Variants in PLEKHH2 observed in about 807,000 individuals in gnomAD.
PLEKHH2 encodes the protein pleckstrin homology, MyTH4 and FERM domain containing H2, also known as pleckstrin homology domain-containing family H member 2.
In PLEKHH2, 129 loss-of-function variants were observed where a neutral mutation model predicts 187.9. The ratio of observed to expected loss-of-function variants is 0.69; its 90% CI spans 0.59 to 0.79. The LOEUF is 0.79. Ranked by LOEUF, PLEKHH2 falls within the 30% of genes least tolerant of loss-of-function variation. The pLI is 0.00. For missense variants in PLEKHH2, 2,076 were observed against 1,751.2 expected (o/e 1.19, Z -3.31); for synonymous variants, 686 against 605.6 (o/e 1.13, Z -1.95).
chr2:43,652,983 A>C (rs2104354044), intron 2 of PLEKHH2, among the ~76,000 whole-genome samples: 1 of 152,314 alleles, frequency 6.6e-6, no homozygotes, highest in East Asian at 1.9e-4. Context: ...GCAGGGTTGA[A>C]ATATAAACTA....
intron 8 of PLEKHH2, among the ~76,000 whole-genome samples, chr2:43,701,851 T>C (rs9677843): frequency 0.59 from 88,864 of 150,374 alleles, 27,594 homozygotes; most frequent in African/African-American, 0.78. Context: ...CACTGCAACC[T>C]CTGCCACCTG....
chr2:43,695,335 C>T (rs958006870), intron 6 of PLEKHH2, 111 bp downstream of exon 6: 1 of 515,828 alleles, frequency 1.9e-6, no homozygotes, highest in African/African-American at 2.0e-5. Context: ...GAAGCTGTTG[C>T]CATAAAATGA....
At position 43,731,552 on chromosome 2, in the gene PLEKHH2, A is replaced by G; in HGVS notation, c.2893A>G (p.Thr965Ala). The stretch of plus-strand genomic sequence containing the variant: ...TAAAGAAGGAATCATTTCCCCTCTG[A>G]CAACTCTACCTTCCGAAGCCCTGCA... ...HSKEGIISPL[T>A]TLPSEALQTE... The change falls in exon 19 of 30, where the codon ACA (threonine) becomes GCA (alanine). Residue 965 changes from threonine to alanine, a missense_variant. By Grantham distance (58) the Thr-to-Ala change is moderately conservative. Transcript: ENST00000282406. 6.2e-7 allele frequency: 1 copy of G among 1,606,800 alleles called. No individual in the cohort carries two copies. Among genetic ancestry groups the G allele is most frequent in the Non-Finnish European group, 8.5e-7 (1 of 1,173,772 alleles).
intron 25 of PLEKHH2, among the ~76,000 whole-genome samples, chr2:43,755,614 G>T (rs1572666674): frequency 1.3e-5 from 2 of 152,196 alleles, no homozygotes; most frequent in Non-Finnish European, 2.9e-5. Flanking sequence ...GACAGTGTGT[G>T]TCTCTGCTTC....
chr2:43,728,510 A>AT (rs1481778016), intron 17 of PLEKHH2, among the ~76,000 whole-genome samples: 1 of 150,420 alleles, frequency 6.6e-6, no homozygotes, highest in Non-Finnish European at 1.5e-5. Flanking sequence ...GAAAAAGAAA[A>AT]TGTTAGTAAA....
intron 28 of PLEKHH2, among the ~76,000 whole-genome samples, chr2:43,763,046 C>T (rs535891657): frequency 6.6e-6 from 1 of 152,222 alleles, no homozygotes; most frequent in South Asian, 2.1e-4. Flanking sequence ...CCAAACTATT[C>T]TTTTGTGTTA....
intron 20 of PLEKHH2, 117 bp downstream of exon 20, chr2:43,738,637 A>G: frequency 3.1e-6 from 3 of 956,636 alleles, no homozygotes; most frequent in Middle Eastern, 3.2e-4. Flanking sequence ...AGAAGGAAAA[A>G]TAGGTATTAA....
chr2:43,689,102 C>T (rs1572559844), intron 3 of PLEKHH2, among the ~76,000 whole-genome samples: 1 of 152,202 alleles, frequency 6.6e-6, no homozygotes, highest in Admixed American at 6.5e-5. Context: ...GCAGCCTTAA[C>T]AGTCAAGATA....
intron 14 of PLEKHH2, 101 bp downstream of exon 14, chr2:43,710,676 CT>C: frequency 6.9e-7 from 1 of 1,452,262 alleles, no homozygotes; most frequent in Non-Finnish European, 8.9e-7. Context: ...TTCAGTGTTT[CT>C]TTATTCACTT....
chr2:43,725,597 CCTAA>C (rs1323499881), intron 16 of PLEKHH2, among the ~76,000 whole-genome samples: 2 of 152,146 alleles, frequency 1.3e-5, no homozygotes, highest in Admixed American at 6.5e-5. Flanking sequence ...CTTGCTTTAC[CCTAA>C]CTGTCTATCT....
At chr2:43,680,438 A>C (rs530996356) in intron 3 of PLEKHH2, 1 of 156,094 alleles carries the variant, frequency 6.4e-6, no homozygotes, top group South Asian at 2.0e-4. Context: ...AAGAAAAAAA[A>C]GGCTTAAATA....
rs549003884 is a variant in PLEKHH2 at position 43,700,266 on chromosome 2, G to A, written c.1308G>A (p.Leu436=). Residue 436 remains leucine (L), a synonymous_variant, in exon 8 of 30, where the codon CTG becomes CTA. Coordinates refer to ENST00000282406, the MANE Select transcript of PLEKHH2 (RefSeq NM_172069.4). The part of the protein sequence containing the change: ...KGTQLVPSSH[L]PPPKLRIPNV... ...CACAATTAGTGCCTTCATCACACCT[G>A]CCACCCCCAAAGTTAAGGATTCCTA... 1.2e-6 allele frequency: 2 copies of A among 1,614,110 alleles called. No individual in the cohort carries two copies. Among genetic ancestry groups the A allele is most frequent in the South Asian group, 2.2e-5 (2 of 91,084 alleles).
Position 43,720,669 on chromosome 2 carries a change from G to A in PLEKHH2, c.2461G>A (p.Val821Ile), listed in dbSNP as rs1461437820. The A allele has an allele frequency of 1.2e-6, 2 of 1,606,308 alleles. No homozygotes were observed. The highest frequency in any genetic ancestry group is 1.7e-6 in the Non-Finnish European group (2 of 1,177,880). ...GTAATTCATTGAAATATGGTTTCAG[G>A]TAAAACATGGATATTCCAAGAGAGT... ...KPTMKGLLTK[V>I]KHGYSKRVWC... The change falls in exon 16 of 30, where the codon GTA (valine) becomes ATA (isoleucine). Residue 821 changes from valine to isoleucine, a missense_variant and splice_region_variant. Val to Ile is a conservative substitution (Grantham distance 29). Transcript: ENST00000282406.
intron 2 of PLEKHH2, among the ~76,000 whole-genome samples, chr2:43,651,969 G>T (rs892268616): frequency 6.6e-6 from 1 of 152,000 alleles, no homozygotes. Flanking sequence ...ATTTTTAGTG[G>T]TCTATTTATA....
intron 1 of PLEKHH2, among the ~76,000 whole-genome samples, chr2:43,644,403 G>T (rs1033622375): frequency 6.6e-6 from 1 of 151,632 alleles, no homozygotes; most frequent in Admixed American, 6.6e-5. Flanking sequence ...CCCTTTTCTG[G>T]ATTGGCTAAA....
intron 17 of PLEKHH2, among the ~76,000 whole-genome samples, chr2:43,728,562 C>A (rs1670886293): frequency 7.4e-6 from 1 of 135,754 alleles, no homozygotes; most frequent in Non-Finnish European, 1.5e-5. Context: ...ACACAATACT[C>A]TTTTTTTTTT....
chr2:43,736,822 AAAAT>A (rs1192167360), intron 19 of PLEKHH2, among the ~76,000 whole-genome samples: 1 of 152,176 alleles, frequency 6.6e-6, no homozygotes, highest in Non-Finnish European at 1.5e-5. Flanking sequence ...CTCCGTCTAA[AAAAT>A]AAATAAATCA....
Position 43,713,099 on chromosome 2 carries a change from A to AACACACACACACAC in PLEKHH2, c.2460+721_2460+734dup, listed in dbSNP as rs10524364. 9.5e-3 allele frequency among the ~76,000 whole-genome samples: 1,435 copies of AACACACACACACAC among 150,772 alleles called. 25 individuals are homozygous for AACACACACACACAC. The highest frequency in any genetic ancestry group is 0.033 in the African/African-American group (1,369 of 41,044). On this transcript the variant is annotated intron_variant, in intron 15 of 29. Coordinates refer to ENST00000282406, the MANE Select transcript of PLEKHH2 (RefSeq NM_172069.4). Reference sequence around the variant, plus strand: ...TGAGTGAACAAATCAATATCAAATCAACACACACACACACACACGCATATA... The same window carrying AACACACACACACAC: ...TGAGTGAACAAATCAATATCAAATCAACACACACACACACACACACACACACACACACGCATATA...
Position 43,666,023 on chromosome 2 carries a change from CT to C in PLEKHH2, c.124-12837del, listed in dbSNP as rs1188250657. Among the ~76,000 whole-genome samples, 198 of 147,696 alleles carry C rather than the reference CT, an allele frequency of 1.3e-3. 7 individuals are homozygous for C. The highest frequency in any genetic ancestry group is 5.0e-3 in the African/African-American group (193 of 38,498). On this transcript the variant is annotated intron_variant, in intron 2 of 29. Transcript: ENST00000282406. ...CCACCCAGTTCGAGCTTCCCGGCTG[CT>C]TTGTTTACCTAAGCAAGCCTGGGCA...
Sources: allele counts gnomAD v4.1 joint callset (sites outside exome capture counted in the v4.1 genomes callset), GRCh38; gene constraint gnomAD v4.1.1; transcripts MANE v1.5; gene names NCBI Gene and HGNC (gene_info 2026-07-23, HGNC 2026-07-21).